Variants in ALK observed in about 807,000 individuals in gnomAD.
ALK encodes ALK tyrosine kinase receptor.
In ALK, 74 loss-of-function variants were observed where a neutral mutation model predicts 163.1. The observed-to-expected ratio is 0.45, with a 90% CI of 0.38 to 0.55. The LOEUF is 0.55. Ranked by LOEUF, ALK falls within the 20% of genes least tolerant of loss-of-function variation. ALK has a pLI of 0.00. For missense variants in ALK, 2,063 were observed against 2,105.3 expected, an observed-to-expected ratio of 0.98 and a Z score of 0.39; for synonymous variants, 960 against 843.2, an observed-to-expected ratio of 1.14 and a Z score of -2.40.
Position 29,223,200 on chromosome 2 carries a change from G to A in ALK, c.3359+142C>T, listed in dbSNP as rs1352197240. ...AACATACATGGCCCTGAATGTCAAG[G>A]CTTGTCCTCCTAGGAGGGCTAGGGG... On this transcript the variant is annotated intron_variant, in intron 20 of 28. Coordinates refer to ENST00000389048, the MANE Select transcript of ALK (RefSeq NM_004304.5). The A allele has an allele frequency of 8.6e-6, 7 of 817,906 alleles. No homozygotes were observed. In the East Asian group the frequency reaches 1.6e-4, roughly 19 times the overall value. The allele number at this position is 817,906 out of a possible 1,614,324, so 50.7% of individuals were successfully genotyped here.
At chr2:29,896,772 G>A (rs943801599) in intron 1 of ALK, among the ~76,000 whole-genome samples, 4 of 152,086 alleles carry the variant, frequency 2.6e-5, no homozygotes, top group Non-Finnish European at 4.4e-5. Flanking sequence ...TCTCCATCAC[G>A]CACCTCCACA....
chr2:29,210,350 CAGTTGTTTGAAA>C (rs1669430868), intron 24 of ALK, among the ~76,000 whole-genome samples: 3 of 152,182 alleles, frequency 2.0e-5, no homozygotes, highest in Admixed American at 2.0e-4. Flanking sequence ...TGGTTTCTGC[CAGTTGTTTGAAA>C]AAGTGTTTTA....
intron 3 of ALK, among the ~76,000 whole-genome samples, chr2:29,600,563 C>T (rs1675354458): frequency 6.6e-6 from 1 of 152,154 alleles, no homozygotes; most frequent in South Asian, 2.1e-4. Flanking sequence ...AGAAACAGAT[C>T]CTAAGCCTGC....
At chr2:29,689,978 C>G (rs932650317) in intron 3 of ALK, among the ~76,000 whole-genome samples, 2 of 152,162 alleles carry the variant, frequency 1.3e-5, no homozygotes, top group African/African-American at 4.8e-5. Flanking sequence ...GAGGTACTAA[C>G]CCTGCAGACA....
At chr2:29,201,071 T>C (rs1331741677) in intron 26 of ALK, among the ~76,000 whole-genome samples, 1 of 151,232 alleles carries the variant, frequency 6.6e-6, no homozygotes, top group Non-Finnish European at 1.5e-5. Context: ...AATCATAACC[T>C]GAAAGGAGGT....
intron 3 of ALK, among the ~76,000 whole-genome samples, chr2:29,606,993 T>TA (rs1372764441): frequency 6.6e-6 from 1 of 152,248 alleles, no homozygotes; most frequent in Non-Finnish European, 1.5e-5. Context: ...TTCCTTTTTT[T>TA]AACTCAGCAG....
At chr2:29,599,864 A>G (rs564149974) in intron 3 of ALK, among the ~76,000 whole-genome samples, 4 of 152,352 alleles carry the variant, frequency 2.6e-5, no homozygotes, top group African/African-American at 9.6e-5. Context: ...TGCCTGTAGT[A>G]AGGACAAGAC....
intron 1 of ALK, among the ~76,000 whole-genome samples, chr2:29,897,296 G>A (rs1048104727): frequency 1.4e-4 from 21 of 151,684 alleles, no homozygotes; most frequent in South Asian, 1.3e-3. Context: ...AGCTGAAATC[G>A]TACCACTGTA....
At chr2:29,509,976 A>C (rs1672464973) in intron 4 of ALK, among the ~76,000 whole-genome samples, 1 of 152,218 alleles carries the variant, frequency 6.6e-6, no homozygotes, top group Non-Finnish European at 1.5e-5. Flanking sequence ...CAGTGGCTTT[A>C]GTTACCACTC....
At chr2:29,634,908 C>A (rs959410587) in intron 3 of ALK, among the ~76,000 whole-genome samples, 5 of 152,130 alleles carry the variant, frequency 3.3e-5, no homozygotes, top group African/African-American at 9.7e-5. Flanking sequence ...AATCAAAATA[C>A]TCCTACAACT....
At chr2:29,441,016 T>A (rs939998805) in intron 4 of ALK, among the ~76,000 whole-genome samples, 25 of 152,172 alleles carry the variant, frequency 1.6e-4, no homozygotes, top group African/African-American at 6.0e-4. Flanking sequence ...AATAGCCAAC[T>A]TGGACTTGGA....
intron 4 of ALK, among the ~76,000 whole-genome samples, chr2:29,457,216 T>C (rs571748429): frequency 2.6e-5 from 4 of 152,168 alleles, no homozygotes; most frequent in African/African-American, 7.2e-5. Context: ...CACTTCAGCA[T>C]TGGCTCGATT....
At chr2:29,212,900 G>A (rs1052500511) in intron 24 of ALK, among the ~76,000 whole-genome samples, 1 of 152,030 alleles carries the variant, frequency 6.6e-6, no homozygotes, top group Non-Finnish European at 1.5e-5. Context: ...ACATGGGGTT[G>A]CTCCATGTTG....
intron 3 of ALK, among the ~76,000 whole-genome samples, chr2:29,551,160 G>C (rs1673704182): frequency 6.6e-6 from 1 of 152,122 alleles, no homozygotes; most frequent in Non-Finnish European, 1.5e-5. Context: ...TCTAGGAATT[G>C]CTTTAAAGAA....
chr2:29,626,090 G>A (rs917726069), intron 3 of ALK, among the ~76,000 whole-genome samples: 2 of 152,228 alleles, frequency 1.3e-5, no homozygotes, highest in Non-Finnish European at 2.9e-5. Context: ...GATGGTGTGT[G>A]TGTGCTATGG....
chr2:29,638,602 C>T (rs1394033666), intron 3 of ALK, among the ~76,000 whole-genome samples: 4 of 152,094 alleles, frequency 2.6e-5, no homozygotes, highest in South Asian at 4.2e-4. Context: ...GCAAGGGTCT[C>T]GTCCTTTCTC....
chr2:29,834,044 C>A (rs1017709968), intron 1 of ALK, among the ~76,000 whole-genome samples: 7 of 152,094 alleles, frequency 4.6e-5, no homozygotes, highest in Admixed American at 3.9e-4. Flanking sequence ...ATGGGGTATA[C>A]GAAAGCACTT....
At chr2:29,684,540 AC>A (rs1236280794) in intron 3 of ALK, among the ~76,000 whole-genome samples, 1 of 152,162 alleles carries the variant, frequency 6.6e-6, no homozygotes. Flanking sequence ...GCTGCCTTGG[AC>A]AGCACTCCTC....
rs200979077 is a variant in ALK at position 29,649,240 on chromosome 2, G to GAA, written c.952+45609_952+45610insTT. Reference sequence around the variant, plus strand: ...TGTGAGAGAGAGAGAGAGAGAGAGAGAGAAAGTGCGTGCGTGTGTGTGTGT... The same window carrying GAA: ...TGTGAGAGAGAGAGAGAGAGAGAGAGAAAGAAAGTGCGTGCGTGTGTGTGTGT... On this transcript the variant is annotated intron_variant, in intron 3 of 28. Coordinates refer to ENST00000389048, the MANE Select transcript of ALK (RefSeq NM_004304.5). Among the ~76,000 whole-genome samples the GAA allele has an allele frequency of 7.3e-3, 1,111 of 151,476 alleles. 15 individuals carry two copies. The highest frequency in any genetic ancestry group is 0.026 in the African/African-American group (1,065 of 41,212).
Sources: allele counts gnomAD v4.1 joint callset (sites outside exome capture counted in the v4.1 genomes callset), GRCh38; gene constraint gnomAD v4.1.1; transcripts MANE v1.5; gene names NCBI Gene and HGNC (gene_info 2026-07-23, HGNC 2026-07-21).